NELL1: variants seen among roughly 807,000 people sequenced by gnomAD.
The protein encoded by NELL1 is neural EGFL like 1.
NELL1 carries 76 observed loss-of-function variants against 107.4 expected under a neutral mutation model. That is an observed-to-expected ratio of 0.71 (90% confidence interval 0.59 to 0.86). The LOEUF is 0.86. Among genes scored for constraint, NELL1 ranks in the 40% least tolerant of loss-of-function variants. The pLI is 0.00. For synonymous variants in NELL1, 353 were observed against 341.2 expected (o/e 1.03, Z -0.38); for missense variants, 1,024 against 1,005.5 (o/e 1.02, Z -0.25).
chr11:20,999,551 C>T (rs1852169545), intron 12 of NELL1, among the ~76,000 whole-genome samples: 1 of 152,154 alleles, frequency 6.6e-6, no homozygotes. Flanking sequence ...GTTTGAATTT[C>T]CTTTGATCAC....
At chr11:21,445,896 G>T (rs1853413378) in intron 15 of NELL1, among the ~76,000 whole-genome samples, 1 of 152,074 alleles carries the variant, frequency 6.6e-6, no homozygotes, top group African/African-American at 2.4e-5. Flanking sequence ...GAATAGATTT[G>T]GGAATTTCTC....
intron 15 of NELL1, among the ~76,000 whole-genome samples, chr11:21,469,667 G>A (rs1854124174): frequency 6.6e-6 from 1 of 152,058 alleles, no homozygotes; most frequent in African/African-American, 2.4e-5. Flanking sequence ...GTTTAGGGAG[G>A]CAAAGATAAG....
intron 2 of NELL1, among the ~76,000 whole-genome samples, chr11:20,690,901 C>A (rs1474318521): frequency 2.6e-5 from 4 of 151,804 alleles, no homozygotes; most frequent in Admixed American, 2.6e-4. Context: ...GATATTGATT[C>A]TTCCTACCCA....
chr11:21,307,323 T>G (rs1475728536), intron 14 of NELL1, among the ~76,000 whole-genome samples: 1 of 151,968 alleles, frequency 6.6e-6, no homozygotes, highest in Non-Finnish European at 1.5e-5. Flanking sequence ...ACCCTGGATG[T>G]GTGTGTGTTT....
chr11:20,821,572 GTTATGA>G (rs1175368980), intron 3 of NELL1, among the ~76,000 whole-genome samples: 2 of 152,218 alleles, frequency 1.3e-5, no homozygotes, highest in Non-Finnish European at 2.9e-5. Context: ...AAAAGGACTT[GTTATGA>G]TTATAATATG....
At chr11:21,381,903 GATTTTTTTTTTTT>G (rs1851619093) in intron 15 of NELL1, among the ~76,000 whole-genome samples, 1 of 101,660 alleles carries the variant, frequency 9.8e-6, no homozygotes. Flanking sequence ...CCCTGGAAGG[GATTTTTTTTTTTT>G]TTTTTTTTTT....
At chr11:21,206,931 C>T (rs1166209320) in intron 13 of NELL1, among the ~76,000 whole-genome samples, 1 of 152,206 alleles carries the variant, frequency 6.6e-6, no homozygotes, top group Non-Finnish European at 1.5e-5. Flanking sequence ...ACAAGCCACT[C>T]TCTTCACAGT....
chr11:21,392,185 T>C (rs993262039), intron 15 of NELL1, among the ~76,000 whole-genome samples: 1 of 151,838 alleles, frequency 6.6e-6, no homozygotes, highest in East Asian at 2.0e-4. Flanking sequence ...AAATCTCTAG[T>C]GTTTGCTGGG....
intron 14 of NELL1, among the ~76,000 whole-genome samples, chr11:21,234,015 T>C (rs1316397846): frequency 1.3e-5 from 2 of 152,230 alleles, no homozygotes; most frequent in Non-Finnish European, 2.9e-5. Flanking sequence ...TTTTAACAAA[T>C]TCTTCCAACC....
intron 15 of NELL1, among the ~76,000 whole-genome samples, chr11:21,516,901 G>C (rs1259481344): frequency 2.0e-5 from 3 of 151,662 alleles, no homozygotes; most frequent in Admixed American, 1.3e-4. Flanking sequence ...GTCTCCCAGG[G>C]TCAAGCAATT....
intron 11 of NELL1, among the ~76,000 whole-genome samples, chr11:20,953,319 T>C (rs1399211998): frequency 6.6e-6 from 1 of 152,172 alleles, no homozygotes; most frequent in Non-Finnish European, 1.5e-5. Context: ...GGCAGGAGAT[T>C]GAGGAACTAT....
intron 15 of NELL1, among the ~76,000 whole-genome samples, chr11:21,417,396 T>A (rs1223634744): frequency 3.3e-5 from 5 of 152,094 alleles, no homozygotes; most frequent in Admixed American, 3.3e-4. Flanking sequence ...GTTTATATTT[T>A]TCATGTATTT....
intron 2 of NELL1, among the ~76,000 whole-genome samples, chr11:20,773,264 A>G (rs1264558210): frequency 6.6e-6 from 1 of 152,100 alleles, no homozygotes; most frequent in Non-Finnish European, 1.5e-5. Context: ...CACCCATCCT[A>G]CAGGACCCAG....
chr11:21,224,310 A>G (rs547608615), intron 13 of NELL1, among the ~76,000 whole-genome samples: 1 of 151,980 alleles, frequency 6.6e-6, no homozygotes, highest in Non-Finnish European at 1.5e-5. Context: ...TGGCATGAAC[A>G]TGGTTCCCTG....
rs59848133 is a variant in NELL1, at chr11:21,099,192, A to AACACACAC, written c.1301-14363_1301-14356dup. Among the ~76,000 whole-genome samples the AACACACAC allele has an allele frequency of 2.4e-3, 345 of 141,948 alleles. 3 individuals are homozygous for AACACACAC. Among genetic ancestry groups the AACACACAC allele is most frequent in the African/African-American group, 8.4e-3 (322 of 38,170 alleles). The allele number at this position is 141,948 out of a possible 152,430, so 93.1% of individuals were successfully genotyped here. ...AATTTATTGGAAAAAGACACTGAAC[A>AACACACAC]ACACACACACACACACACACACACA... On this transcript the variant is annotated intron_variant, in intron 12 of 19. Transcript: ENST00000357134.
intron 2 of NELL1, among the ~76,000 whole-genome samples, chr11:20,679,653 A>C (rs915870735): frequency 6.6e-6 from 1 of 152,150 alleles, no homozygotes; most frequent in Non-Finnish European, 1.5e-5. Flanking sequence ...TTGAGAGTCC[A>C]TACCTTTCTT....
rs936677048 is a variant in NELL1, at chr11:21,570,934, G to A, written c.2151G>A (p.Arg717=). ...DNWTHSCQQC[R]CLEGEVDCWP... ...GGACCCATAGCTGTCAGCAGTGTCG[G>A]TGTCTGGTATGTTGGCTTCCTTTAT... Residue 717 remains arginine (R), a synonymous_variant, in exon 18 of 20, where the codon CGG becomes CGA. Coordinates refer to ENST00000357134, the MANE Select transcript of NELL1 (RefSeq NM_006157.5). 5.6e-6 allele frequency: 9 copies of A among 1,611,018 alleles called. No homozygotes were observed. The highest frequency in any genetic ancestry group is 6.8e-6 in the Non-Finnish European group (8 of 1,177,992).
chr11:21,339,641 C>T (rs756204215), intron 14 of NELL1, among the ~76,000 whole-genome samples: 21 of 152,126 alleles, frequency 1.4e-4, no homozygotes, highest in East Asian at 3.9e-4. Context: ...AATCAGGGTC[C>T]GCTGGTCCTT....
At chr11:21,036,661 C>T (rs996153156) in intron 12 of NELL1, among the ~76,000 whole-genome samples, 1 of 152,048 alleles carries the variant, frequency 6.6e-6, no homozygotes, top group African/African-American at 2.4e-5. Flanking sequence ...TTATTTAGAT[C>T]TCTCTGCCAG....
Sources: gnomAD v4.1 joint callset for allele counts (sites outside exome capture counted in the v4.1 genomes callset) on GRCh38, gnomAD v4.1.1 for gene constraint, MANE v1.5 for transcripts, NCBI Gene and HGNC (gene_info 2026-07-23, HGNC 2026-07-21) for gene names.